Variants in MITF observed in about 807,000 individuals in gnomAD.
MITF encodes the protein microphthalmia-associated transcription factor.
A neutral mutation model predicts 60.5 loss-of-function variants in MITF; 17 were observed. The ratio of observed to expected loss-of-function variants is 0.28; its 90% CI spans 0.19 to 0.42. The LOEUF (loss-of-function observed/expected upper bound fraction) is 0.42. Ranked by LOEUF, MITF falls within the 10% of genes least tolerant of loss-of-function variation. MITF has a pLI of 1.00. For missense variants in MITF, 622 were observed against 683.5 expected (o/e 0.91, Z 1.00); for synonymous variants, 260 against 248.5 (o/e 1.05, Z -0.43).
intron 2 of MITF, among the ~76,000 whole-genome samples, chr3:69,912,822 T>C (rs1385554620): frequency 6.6e-6 from 1 of 152,198 alleles, no homozygotes; most frequent in Non-Finnish European, 1.5e-5. Flanking sequence ...TTTGGCCAAC[T>C]ATCCTCTACC....
At chr3:69,851,879 C>T (rs1375517278) in intron 1 of MITF, among the ~76,000 whole-genome samples, 4 of 152,078 alleles carry the variant, frequency 2.6e-5, no homozygotes, top group Non-Finnish European at 5.9e-5. Context: ...TTTGAAAAGG[C>T]CGATATATGT....
At chr3:69,895,712 A>G (rs1396095193) in intron 2 of MITF, among the ~76,000 whole-genome samples, 1 of 151,942 alleles carries the variant, frequency 6.6e-6, no homozygotes, top group Non-Finnish European at 1.5e-5. Context: ...GGGATTTACA[A>G]TGTGACTCAC....
intron 1 of MITF, among the ~76,000 whole-genome samples, chr3:69,783,337 A>C (rs376315107): frequency 6.6e-6 from 1 of 152,174 alleles, no homozygotes; most frequent in African/African-American, 2.4e-5. Flanking sequence ...AGACTCTTCT[A>C]ATATTCCTAG....
intron 1 of MITF, among the ~76,000 whole-genome samples, chr3:69,776,666 A>G (rs2062478626): frequency 6.6e-6 from 1 of 152,194 alleles, no homozygotes; most frequent in Admixed American, 6.5e-5. Context: ...TAATGTACCA[A>G]GTATGTTGAG....
chr3:69,798,990 A>G (rs1365763009), intron 1 of MITF, among the ~76,000 whole-genome samples: 1 of 152,130 alleles, frequency 6.6e-6, no homozygotes, highest in East Asian at 1.9e-4. Context: ...TCTGTGTCTC[A>G]TCCTAGACTC....
intron 1 of MITF, among the ~76,000 whole-genome samples, chr3:69,781,172 T>C (rs559182154): frequency 1.4e-4 from 21 of 152,164 alleles, no homozygotes; most frequent in Admixed American, 3.3e-4. Flanking sequence ...CTATTTGGTG[T>C]CCAGTTCATT....
chr3:69,961,559 A>AAAG (rs1553705639), intron 9 of MITF, among the ~76,000 whole-genome samples: 3 of 150,026 alleles, frequency 2.0e-5, no homozygotes, highest in Non-Finnish European at 3.0e-5. Flanking sequence ...ACAAAAAAAA[A>AAAG]AAAAGAAAAG....
chr3:69,914,836 G>A (rs2065300353), intron 2 of MITF, among the ~76,000 whole-genome samples: 1 of 152,146 alleles, frequency 6.6e-6, no homozygotes, highest in Admixed American at 6.5e-5. Context: ...TCCTTTAGCA[G>A]TTAAGGCCAT....
chr3:69,906,459 A>T (rs2065102035), intron 2 of MITF, among the ~76,000 whole-genome samples: 1 of 152,308 alleles, frequency 6.6e-6, no homozygotes, highest in East Asian at 1.9e-4. Context: ...GATGTCAATC[A>T]TTGGAGGTAA....
chr3:69,781,698 T>A (rs2062567018), intron 1 of MITF, among the ~76,000 whole-genome samples: 2 of 152,142 alleles, frequency 1.3e-5, no homozygotes, highest in African/African-American at 4.8e-5. Flanking sequence ...AAGAAAAGGG[T>A]GAAAGCTCTA....
chr3:69,929,075 G>C (rs911857403), intron 2 of MITF, among the ~76,000 whole-genome samples: 1 of 152,132 alleles, frequency 6.6e-6, no homozygotes, highest in African/African-American at 2.4e-5. Flanking sequence ...AAGACTGAGG[G>C]ACTGTCACAC....
rs751838992 is a variant in MITF at position 69,941,280 on chromosome 3, T to C, written c.711T>C (p.Tyr237=). The C allele has an allele frequency of 4.3e-6, 7 of 1,613,388 alleles. No individual in the cohort carries two copies. In the South Asian group the frequency reaches 6.6e-5, roughly 15 times the overall value. Residue 237 remains tyrosine, a synonymous_variant, in exon 5 of 10, where the codon TAT becomes TAC. Transcript: ENST00000352241. ...ACATCATTAGCCTAGAATCAAGTTATAATGAGGAAATCTTGGGCTTGATGG... is the reference window on the plus strand; with the variant it reads ...ACATCATTAGCCTAGAATCAAGTTACAATGAGGAAATCTTGGGCTTGATGG... ...IDDIISLESS[Y]NEEILGLMDP...
chr3:69,785,370 T>C (rs1208056047), intron 1 of MITF, among the ~76,000 whole-genome samples: 1 of 152,194 alleles, frequency 6.6e-6, no homozygotes, highest in Non-Finnish European at 1.5e-5. Context: ...TTCTGTGCAC[T>C]ATCTCATTTA....
intron 1 of MITF, among the ~76,000 whole-genome samples, chr3:69,784,081 T>C (rs1196418966): frequency 6.6e-6 from 1 of 152,222 alleles, no homozygotes; most frequent in Non-Finnish European, 1.5e-5. Context: ...GAAAGGCTTT[T>C]GTTAATGTTA....
chr3:69,807,496 C>T lies in MITF; in HGVS notation c.104+67795C>T, dbSNP rs751743573. Among the ~76,000 whole-genome samples, 60 of 152,236 alleles carry T rather than the reference C, an allele frequency of 3.9e-4. No individual in the cohort carries two copies. The Middle Eastern group carries it at 0.01, about 26-fold the overall frequency. On this transcript the variant is annotated intron_variant, in intron 1 of 9. Coordinates refer to ENST00000352241, the MANE Select transcript of MITF (RefSeq NM_001354604.2). ...CTCAAAGGCAATTGTGGAACAAAGACCTTTTATGTTGGTTGAACCCAATTA... is the reference window on the plus strand; with the variant it reads ...CTCAAAGGCAATTGTGGAACAAAGATCTTTTATGTTGGTTGAACCCAATTA...
chr3:69,790,483 CAT>C (rs1442301894), intron 1 of MITF, among the ~76,000 whole-genome samples: 1 of 152,076 alleles, frequency 6.6e-6, no homozygotes, highest in Non-Finnish European at 1.5e-5. Context: ...TTTTATGTAA[CAT>C]GTTTGTTTAT....
At chr3:69,825,402 G>A (rs1445622018) in intron 1 of MITF, among the ~76,000 whole-genome samples, 2 of 152,150 alleles carry the variant, frequency 1.3e-5, no homozygotes, top group East Asian at 3.9e-4. Flanking sequence ...ATACTAGAGT[G>A]AAAAAAATTC....
At chr3:69,866,232 A>G in intron 1 of MITF, 1 of 1,608,210 alleles carries the variant, frequency 6.2e-7, no homozygotes, top group Non-Finnish European at 8.5e-7. Context: ...CCAGTGCCAG[A>G]ACTAACTTTG....
At chr3:69,837,320 A>T (rs2063555576) in intron 1 of MITF, among the ~76,000 whole-genome samples, 1 of 152,194 alleles carries the variant, frequency 6.6e-6, no homozygotes, top group Non-Finnish European at 1.5e-5. Flanking sequence ...ACTGCCTTTG[A>T]GCTTCAGTAG....
Sources: allele counts gnomAD v4.1 joint callset (sites outside exome capture counted in the v4.1 genomes callset), GRCh38; gene constraint gnomAD v4.1.1; transcripts MANE v1.5; gene names NCBI Gene and HGNC (gene_info 2026-07-23, HGNC 2026-07-21).